HEATR5B: variants seen among roughly 807,000 people sequenced by gnomAD.
The protein encoded by HEATR5B is HEAT repeat containing 5B.
Under a neutral mutation model 224.1 loss-of-function variants are expected in HEATR5B, and 156 were observed. The ratio of observed to expected loss-of-function variants is 0.70; its 90% CI spans 0.61 to 0.80. The LOEUF is 0.80. HEATR5B is among the 30% of genes least tolerant of loss of function. The probability of loss-of-function intolerance (pLI) is 0.00; values close to 1 mark genes in which losing one functional copy is unlikely to be tolerated. For synonymous variants in HEATR5B, 1,027 were observed against 893.0 expected (o/e 1.15, Z -2.68); for missense variants, 2,323 against 2,535.5 (o/e 0.92, Z 1.80).
In HEATR5B at chr2:37,028,665, C is replaced by T. The variant is rs2148462123; in HGVS notation, c.3601+16G>A. On this transcript the variant is annotated intron_variant, in intron 23 of 35. Coordinates refer to ENST00000233099, the MANE Select transcript of HEATR5B (RefSeq NM_019024.3). ...AACAATTTCCATTATTTTAAGAACG[C>T]ACATTAAATACTTACCACTAGAAGC... 1 of 1,607,528 alleles carries T rather than the reference C, an allele frequency of 6.2e-7. No homozygotes were observed. Among genetic ancestry groups the T allele is most frequent in the Non-Finnish European group, 8.5e-7 (1 of 1,176,218 alleles).
chr2:37,002,508 G>C lies in HEATR5B; in HGVS notation c.5115C>G (p.Leu1705=). Residue 1705 remains leucine, a synonymous_variant, in exon 32 of 36, where the codon CTC becomes CTG. Transcript: ENST00000233099. The stretch of plus-strand genomic sequence containing the variant: ...CAAACACAAGAGATTTTCCAGGAAT[G>C]AGACCACCGCTGTCACCTCCTTCTC... ...VLGEGGDSGG[L]IPGKSLVFAT... is the part of the protein sequence containing the mutation. The C allele has an allele frequency of 6.2e-7, 1 of 1,614,174 alleles. No individual in the cohort carries two copies. Among genetic ancestry groups the C allele is most frequent in the South Asian group, 1.1e-5 (1 of 91,086 alleles).
At chr2:37,077,111 G>A in intron 3 of HEATR5B, 92 bp from the exon 4 acceptor site, 1 of 1,071,200 alleles carries the variant, frequency 9.3e-7, no homozygotes, top group Non-Finnish European at 1.4e-6. Flanking sequence ...CATTTGTCTA[G>A]GACACTTTTG....
chr2:37,048,259 AC>A (rs1345586917), intron 18 of HEATR5B, among the ~76,000 whole-genome samples: 1 of 150,902 alleles, frequency 6.6e-6, no homozygotes, highest in Non-Finnish European at 1.5e-5. Context: ...ATCTTGGCTC[AC>A]TGCAACCTCC....
chr2:37,073,554 C>T (rs189682121), intron 5 of HEATR5B, among the ~76,000 whole-genome samples: 2 of 152,078 alleles, frequency 1.3e-5, no homozygotes, highest in African/African-American at 2.4e-5. Flanking sequence ...TGGACGTTGA[C>T]ATTGATAGAA....
chr2:36,987,818 T>C (rs1424391967), intron 35 of HEATR5B, among the ~76,000 whole-genome samples: 5 of 152,088 alleles, frequency 3.3e-5, no homozygotes, highest in Admixed American at 6.6e-5. Flanking sequence ...CCTGTAATTC[T>C]AGCACTTTGA....
At chr2:37,051,630 G>A (rs940814708) in intron 17 of HEATR5B, among the ~76,000 whole-genome samples, 2 of 152,068 alleles carry the variant, frequency 1.3e-5, no homozygotes, top group Admixed American at 6.6e-5. Context: ...AGGAGACCAC[G>A]ACCACCCCAC....
At chr2:37,037,011 T>A (rs1669522848) in intron 21 of HEATR5B, among the ~76,000 whole-genome samples, 1 of 151,408 alleles carries the variant, frequency 6.6e-6, no homozygotes, top group African/African-American at 2.4e-5. Context: ...GTTGCATGGC[T>A]CCTGACATAT....
chr2:36,984,710 A>C (rs1267183127), intron 35 of HEATR5B, among the ~76,000 whole-genome samples: 1 of 152,194 alleles, frequency 6.6e-6, no homozygotes, highest in East Asian at 1.9e-4. Context: ...TGGGGAGCAG[A>C]AAAAATATTT....
chr2:37,002,105 G>C (rs534296240), intron 32 of HEATR5B, among the ~76,000 whole-genome samples: 24 of 152,296 alleles, frequency 1.6e-4, no homozygotes, highest in African/African-American at 5.3e-4. Context: ...TCTGAAAAGA[G>C]CACCTTAGGT....
chr2:36,991,595 C>G (rs1312948096), intron 33 of HEATR5B, among the ~76,000 whole-genome samples: 1 of 149,304 alleles, frequency 6.7e-6, no homozygotes, highest in Admixed American at 6.7e-5. Flanking sequence ...ATAGATACAA[C>G]TTGAACAGAA....
intron 3 of HEATR5B, among the ~76,000 whole-genome samples, chr2:37,078,481 G>A (rs1018219747): frequency 6.6e-6 from 1 of 152,224 alleles, no homozygotes; most frequent in Non-Finnish European, 1.5e-5. Context: ...CTAAGTGGCA[G>A]TGAACTAAAT....
chr2:36,984,215 A>AAAAAAAAAAAAATATATATATATATATAT, intron 35 of HEATR5B, among the ~76,000 whole-genome samples: 1 of 77,640 alleles, frequency 1.3e-5, no homozygotes, highest in Non-Finnish European at 2.3e-5. Context: ...AAAAAAAAAA[A>AAAAAAAAAAAAATATATATATATATATAT]ATATATATAT....
At chr2:37,050,686 T>C (rs1670482910) in intron 17 of HEATR5B, among the ~76,000 whole-genome samples, 1 of 152,174 alleles carries the variant, frequency 6.6e-6, no homozygotes, top group Non-Finnish European at 1.5e-5. Flanking sequence ...CTGAATAGTT[T>C]ATATAAAAAT....
At chr2:36,992,476 G>A (rs1463506714) in intron 33 of HEATR5B, among the ~76,000 whole-genome samples, 1 of 152,030 alleles carries the variant, frequency 6.6e-6, no homozygotes, top group Non-Finnish European at 1.5e-5. Context: ...AGCTACCTGG[G>A]AGGCTGAGGC....
intron 33 of HEATR5B, among the ~76,000 whole-genome samples, chr2:36,996,681 T>A (rs1666739937): frequency 6.6e-6 from 1 of 152,008 alleles, no homozygotes; most frequent in Non-Finnish European, 1.5e-5. Flanking sequence ...AGCCTCTGCA[T>A]CCCTGGATTC....
chr2:37,065,992 A>G, intron 8 of HEATR5B, 82 bp from the exon 9 acceptor site: 1 of 1,262,908 alleles, frequency 7.9e-7, no homozygotes, highest in Non-Finnish European at 1.1e-6. Context: ...TTATGATTTT[A>G]GCCATACCAG....
chr2:37,053,817 G>A (rs1670713524), intron 16 of HEATR5B, among the ~76,000 whole-genome samples: 1 of 151,838 alleles, frequency 6.6e-6, no homozygotes, highest in Non-Finnish European at 1.5e-5. Flanking sequence ...CAAGAAAAGA[G>A]TTTCAATTAA....
intron 27 of HEATR5B, among the ~76,000 whole-genome samples, chr2:37,013,289 A>G (rs533069501): frequency 6.6e-6 from 1 of 152,380 alleles, no homozygotes; most frequent in East Asian, 1.9e-4. Context: ...TAAGAATTCA[A>G]TAGTAACTGG....
At chr2:37,012,665 C>G (rs980246685) in intron 27 of HEATR5B, among the ~76,000 whole-genome samples, 2 of 152,172 alleles carry the variant, frequency 1.3e-5, no homozygotes, top group African/African-American at 4.8e-5. Flanking sequence ...GCTGGGATTA[C>G]AGGTGTGAGC....
Sources: allele counts gnomAD v4.1 joint callset (sites outside exome capture counted in the v4.1 genomes callset), GRCh38; gene constraint gnomAD v4.1.1; transcripts MANE v1.5; gene names NCBI Gene and HGNC (gene_info 2026-07-23, HGNC 2026-07-21).